The following TEAD1 variants were observed in gnomAD, a reference collection of about 807,000 sequenced individuals.
TEAD1 encodes the protein TEA domain transcription factor 1.
TEAD1 carries 9 observed loss-of-function variants against 54.9 expected under a neutral mutation model. That is an observed-to-expected ratio of 0.16 (90% CI 0.10 to 0.29). The LOEUF (loss-of-function observed/expected upper bound fraction) is 0.29, where lower values mean the gene tolerates loss of function less well. Ranked by LOEUF, TEAD1 falls within the 10% of genes least tolerant of loss-of-function variation. The pLI, the probability that TEAD1 is intolerant of heterozygous loss-of-function variation, is 1.00. For missense variants in TEAD1, 387 were observed against 535.9 expected (o/e 0.72, Z 2.74); for synonymous variants, 200 against 187.8 (o/e 1.07, Z -0.53).
chr11:12,877,963 A>G (rs1054233614), intron 5 of TEAD1, among the ~76,000 whole-genome samples: 1 of 150,280 alleles, frequency 6.7e-6, no homozygotes. Flanking sequence ...ACACCTGGCT[A>G]ATTTTTTTTT....
At chr11:12,723,613 C>T (rs1370300885) in intron 2 of TEAD1, among the ~76,000 whole-genome samples, 1 of 152,164 alleles carries the variant, frequency 6.6e-6, no homozygotes. Flanking sequence ...TTTCCCTCTA[C>T]CATCCCCCCA....
At chr11:12,928,904 C>T (rs562113572) in intron 11 of TEAD1, among the ~76,000 whole-genome samples, 4 of 152,244 alleles carry the variant, frequency 2.6e-5, no homozygotes, top group South Asian at 4.1e-4. Context: ...TAGCAGTTTT[C>T]GAGGATACAG....
At chr11:12,895,550 G>A (rs1320627434) in intron 9 of TEAD1, among the ~76,000 whole-genome samples, 1 of 152,196 alleles carries the variant, frequency 6.6e-6, no homozygotes, top group Non-Finnish European at 1.5e-5. Context: ...GGAACTTGTG[G>A]CTAACACAGA....
chr11:12,771,085 T>C (rs898449291), intron 3 of TEAD1, among the ~76,000 whole-genome samples: 1 of 152,058 alleles, frequency 6.6e-6, no homozygotes, highest in African/African-American at 2.4e-5. Context: ...ACTTGCCCCA[T>C]TGGGGAAAAG....
intron 3 of TEAD1, among the ~76,000 whole-genome samples, chr11:12,861,860 CCT>C (rs1947510798): frequency 6.6e-6 from 1 of 152,188 alleles, no homozygotes; most frequent in South Asian, 2.1e-4. Context: ...ATGGCGCACG[CCT>C]GTAATCCCAG....
At chr11:12,809,207 G>T (rs773482512) in intron 3 of TEAD1, among the ~76,000 whole-genome samples, 5 of 152,296 alleles carry the variant, frequency 3.3e-5, no homozygotes, top group Admixed American at 6.5e-5. Flanking sequence ...GAGAGCAGTG[G>T]ACACTCAGTG....
intron 3 of TEAD1, among the ~76,000 whole-genome samples, chr11:12,809,745 A>G (rs889758083): frequency 6.6e-6 from 1 of 152,142 alleles, no homozygotes; most frequent in South Asian, 2.1e-4. Flanking sequence ...GGCCACTGTT[A>G]AGGTCTGTGG....
At chr11:12,816,565 G>A (rs1361026134) in intron 3 of TEAD1, among the ~76,000 whole-genome samples, 2 of 152,204 alleles carry the variant, frequency 1.3e-5, no homozygotes, top group Admixed American at 6.5e-5. Context: ...GCTGTAATCC[G>A]TGGAGATCAG....
At chr11:12,678,112 G>A (rs1943135994) in intron 2 of TEAD1, among the ~76,000 whole-genome samples, 1 of 152,188 alleles carries the variant, frequency 6.6e-6, no homozygotes, top group Non-Finnish European at 1.5e-5. Context: ...GTGTTTAGAG[G>A]TCGAATCTGT....
chr11:12,865,015 T>TGA, intron 5 of TEAD1, 115 bp downstream of exon 5: 2 of 1,140,804 alleles, frequency 1.8e-6, no homozygotes, highest in Admixed American at 3.5e-5. Context: ...TCCTTGCATG[T>TGA]GAGAGCTGTT....
intron 2 of TEAD1, among the ~76,000 whole-genome samples, chr11:12,676,928 A>G (rs1246114080): frequency 1.3e-5 from 2 of 152,252 alleles, no homozygotes; most frequent in Non-Finnish European, 2.9e-5. Context: ...AGACTATTTT[A>G]TTTTTACTTT....
At chr11:12,680,497 G>T (rs1011751060) in intron 2 of TEAD1, among the ~76,000 whole-genome samples, 1 of 152,152 alleles carries the variant, frequency 6.6e-6, no homozygotes, top group African/African-American at 2.4e-5. Context: ...CCGCCCGCCC[G>T]AGCCTGTTGA....
chr11:12,685,209 T>G (rs921881766), intron 2 of TEAD1, among the ~76,000 whole-genome samples: 1 of 152,242 alleles, frequency 6.6e-6, no homozygotes, highest in African/African-American at 2.4e-5. Context: ...GTGTGCTAAT[T>G]AATCTGGTTT....
intron 8 of TEAD1, among the ~76,000 whole-genome samples, chr11:12,882,667 G>A (rs1010893851): frequency 6.6e-6 from 1 of 152,220 alleles, no homozygotes; most frequent in African/African-American, 2.4e-5. Context: ...CTCACAGGAA[G>A]TCTTTGGAAG....
chr11:12,835,744 C>G (rs1054888563), intron 3 of TEAD1, among the ~76,000 whole-genome samples: 17 of 152,232 alleles, frequency 1.1e-4, no homozygotes, highest in African/African-American at 4.1e-4. Context: ...AAGAAGAGAA[C>G]TTCTATTCAA....
At position 12,771,278 on chromosome 11, in the gene TEAD1, C is replaced by T. The variant is rs112794662; in HGVS notation, c.202+6844C>T. ...GCCTGGCACTCATCCTGGGGGCAGACGGAAGCCATTACATTTTTTTCAGGA... is the reference window on the plus strand; with the variant it reads ...GCCTGGCACTCATCCTGGGGGCAGATGGAAGCCATTACATTTTTTTCAGGA... On this transcript the variant is annotated intron_variant, in intron 3 of 12. Coordinates refer to ENST00000527636, the MANE Select transcript of TEAD1 (RefSeq NM_021961.6). 2.3e-3 allele frequency among the ~76,000 whole-genome samples: 348 copies of T among 152,236 alleles called. 1 individual carries two copies. Among genetic ancestry groups the T allele is most frequent in the African/African-American group, 7.5e-3 (313 of 41,542 alleles).
intron 3 of TEAD1, among the ~76,000 whole-genome samples, chr11:12,842,274 A>C (rs553012810): frequency 6.6e-6 from 1 of 152,144 alleles, no homozygotes; most frequent in South Asian, 2.1e-4. Flanking sequence ...CTTTTGACCA[A>C]ACCACCGTTA....
chr11:12,693,460 A>T (rs947823008), intron 2 of TEAD1, among the ~76,000 whole-genome samples: 10 of 152,246 alleles, frequency 6.6e-5, no homozygotes, highest in African/African-American at 2.2e-4. Flanking sequence ...ACAACCCCAG[A>T]TGGGCCTGAA....
chr11:12,849,850 G>C (rs899190264), intron 3 of TEAD1, among the ~76,000 whole-genome samples: 4 of 152,066 alleles, frequency 2.6e-5, no homozygotes, highest in African/African-American at 2.4e-5. Flanking sequence ...AAAGATTTGT[G>C]CCCTCTTAAT....
Sources: allele counts gnomAD v4.1 joint callset (sites outside exome capture counted in the v4.1 genomes callset), GRCh38; gene constraint gnomAD v4.1.1; transcripts MANE v1.5; gene names NCBI Gene and HGNC (gene_info 2026-07-23, HGNC 2026-07-21).